The following ERGIC1 variants were observed in gnomAD, a reference collection of about 807,000 sequenced individuals.
ERGIC1 encodes endoplasmic reticulum-Golgi intermediate compartment protein 1.
A neutral mutation model predicts 38.3 loss-of-function variants in ERGIC1; 19 were observed. The observed-to-expected ratio is 0.50, with a 90% CI of 0.35 to 0.73. The LOEUF is 0.73. Among genes scored for constraint, ERGIC1 ranks in the 30% least tolerant of loss-of-function variants. The probability of loss-of-function intolerance (pLI) is 0.01; values close to 1 mark genes in which losing one functional copy is unlikely to be tolerated. For synonymous variants in ERGIC1, 124 were observed against 157.6 expected, an observed-to-expected ratio of 0.79 and a Z score of 1.60; for missense variants, 294 against 389.2, an observed-to-expected ratio of 0.76 and a Z score of 2.06.
intron 1 of ERGIC1, among the ~76,000 whole-genome samples, chr5:172,840,648 C>T (rs745423815): frequency 6.6e-6 from 1 of 152,174 alleles, no homozygotes; most frequent in Non-Finnish European, 1.5e-5. Context: ...CCCATCACTC[C>T]TGCATGACCT....
intron 1 of ERGIC1, among the ~76,000 whole-genome samples, chr5:172,835,050 C>G (rs1198250776): frequency 6.6e-6 from 1 of 152,214 alleles, no homozygotes; most frequent in African/African-American, 2.4e-5. Context: ...AGAAGGGCCA[C>G]CGGGGTCTGG....
chr5:172,907,555 CA>C (rs111806800), intron 3 of ERGIC1, among the ~76,000 whole-genome samples: 8,486 of 143,042 alleles, frequency 0.059, 466 homozygotes, highest in African/African-American at 0.14. Flanking sequence ...AAGACTCTGT[CA>C]AAAAAAAAAA....
intron 1 of ERGIC1, among the ~76,000 whole-genome samples, chr5:172,843,400 T>C (rs1039662954): frequency 6.6e-6 from 1 of 152,172 alleles, no homozygotes; most frequent in Admixed American, 6.5e-5. Flanking sequence ...GCCTGGCACC[T>C]CACATGGTGC....
intron 1 of ERGIC1, among the ~76,000 whole-genome samples, chr5:172,858,581 A>C (rs563561322): frequency 1.3e-5 from 2 of 152,302 alleles, no homozygotes; most frequent in East Asian, 3.9e-4. Context: ...GGTGGGGCAG[A>C]GGGGCCCTCA....
chr5:172,889,145 A>T (rs1006420835), intron 2 of ERGIC1, among the ~76,000 whole-genome samples: 1 of 152,068 alleles, frequency 6.6e-6, no homozygotes, highest in Non-Finnish European at 1.5e-5. Context: ...TTAGCCAGGC[A>T]TGGTGGTACA....
chr5:172,852,807 G>A (rs972247528), intron 1 of ERGIC1, among the ~76,000 whole-genome samples: 2 of 152,244 alleles, frequency 1.3e-5, no homozygotes, highest in African/African-American at 4.8e-5. Flanking sequence ...AGCATGGCAC[G>A]CAGCCATGCG....
At chr5:172,914,193 C>T (rs1763280266) in intron 4 of ERGIC1, among the ~76,000 whole-genome samples, 1 of 140,352 alleles carries the variant, frequency 7.1e-6, no homozygotes, top group Admixed American at 7.8e-5. Flanking sequence ...CGAGAGCATG[C>T]CATTGCACAC....
intron 4 of ERGIC1, 107 bp from the exon 5 acceptor site, chr5:172,914,607 G>A (rs774111722): frequency 6.0e-5 from 95 of 1,590,900 alleles, no homozygotes; most frequent in Non-Finnish European, 6.9e-5. Context: ...TCCCCAGCCC[G>A]GCCTGCCCCT....
intron 2 of ERGIC1, among the ~76,000 whole-genome samples, 198 bp downstream of exon 2, chr5:172,888,958 C>T (rs1016723979): frequency 9.2e-5 from 14 of 152,214 alleles, no homozygotes; most frequent in African/African-American, 3.1e-4. Context: ...AAGGCACAGG[C>T]ACCATCTGGA....
At chr5:172,901,677 T>C (rs572289) in intron 3 of ERGIC1, among the ~76,000 whole-genome samples, 112,436 of 151,988 alleles carry the variant, frequency 0.74, 41,986 homozygotes, top group African/African-American at 0.85. Context: ...AATTATGGCT[T>C]AATGTAGCCT....
chr5:172,857,962 C>T (rs1013618195), intron 1 of ERGIC1, among the ~76,000 whole-genome samples: 13 of 152,164 alleles, frequency 8.5e-5, no homozygotes, highest in Admixed American at 7.9e-4. Flanking sequence ...CGGTGGTGAA[C>T]GGCAGGGATA....
intron 1 of ERGIC1, among the ~76,000 whole-genome samples, chr5:172,852,830 CAT>C (rs1761444663): frequency 6.6e-6 from 1 of 152,278 alleles, no homozygotes; most frequent in Non-Finnish European, 1.5e-5. Context: ...GTGCTCAGCA[CAT>C]GTGGCTGTGA....
chr5:172,857,875 C>G (rs540791692), intron 1 of ERGIC1, among the ~76,000 whole-genome samples: 4 of 152,256 alleles, frequency 2.6e-5, no homozygotes, highest in African/African-American at 9.6e-5. Context: ...TGTTCATTCG[C>G]TCATTCATTC....
At chr5:172,928,108 C>T (rs1017604504) in intron 7 of ERGIC1, among the ~76,000 whole-genome samples, 2 of 152,144 alleles carry the variant, frequency 1.3e-5, no homozygotes, top group Non-Finnish European at 2.9e-5. Context: ...GGTAACATGT[C>T]ATCCGACGTC....
chr5:172,855,692 G>A (rs1236460445), intron 1 of ERGIC1, among the ~76,000 whole-genome samples: 2 of 152,254 alleles, frequency 1.3e-5, no homozygotes, highest in Non-Finnish European at 2.9e-5. Flanking sequence ...GGGGCAGGGA[G>A]CCAGGCCCGT....
chr5:172,858,596 G>A (rs1761617002), intron 1 of ERGIC1, among the ~76,000 whole-genome samples: 1 of 152,194 alleles, frequency 6.6e-6, no homozygotes, highest in African/African-American at 2.4e-5. Context: ...CCCTCACTGA[G>A]TCCTCTGCCG....
chr5:172,915,065 C>G (rs1763326193), intron 5 of ERGIC1: 1 of 734,942 alleles, frequency 1.4e-6, no homozygotes, highest in Non-Finnish European at 2.5e-6. Flanking sequence ...AGGAGCTACT[C>G]TTCTCTCCAG....
intron 8 of ERGIC1, chr5:172,934,969 C>A: frequency 1.7e-6 from 1 of 578,562 alleles, no homozygotes; most frequent in Non-Finnish European, 3.1e-6. Context: ...TGGTCAATTT[C>A]TAAACAACCA....
chr5:172,946,819 T>G (rs953904040), intron 9 of ERGIC1, among the ~76,000 whole-genome samples: 14 of 151,800 alleles, frequency 9.2e-5, no homozygotes, highest in South Asian at 6.3e-4. Flanking sequence ...GGATGAGAGA[T>G]AAAATAATGA....
Sources: gnomAD v4.1 joint callset for allele counts (sites outside exome capture counted in the v4.1 genomes callset) on GRCh38, gnomAD v4.1.1 for gene constraint, MANE v1.5 for transcripts, NCBI Gene and HGNC (gene_info 2026-07-23, HGNC 2026-07-21) for gene names.